Variants in UBE2R2 observed in about 807,000 individuals in gnomAD.
UBE2R2 encodes the protein ubiquitin conjugating enzyme E2 R2, also known as ubiquitin-conjugating enzyme E2 R2.
In UBE2R2, 1 loss-of-function variant was observed where a neutral mutation model predicts 27.8. That is an observed-to-expected ratio of 0.04 (90% CI 0.01 to 0.17). UBE2R2 has a LOEUF of 0.17. UBE2R2 is among the 10% of genes least tolerant of loss of function. The probability of loss-of-function intolerance (pLI) is 1.00; values close to 1 mark genes in which losing one functional copy is unlikely to be tolerated. For missense variants in UBE2R2, 100 were observed against 291.0 expected, an observed-to-expected ratio of 0.34 and a Z score of 4.78; for synonymous variants, 106 against 113.3, an observed-to-expected ratio of 0.94 and a Z score of 0.41.
At chr9:33,895,645 A>T (rs1267773767) in intron 2 of UBE2R2, among the ~76,000 whole-genome samples, 1 of 152,162 alleles carries the variant, frequency 6.6e-6, no homozygotes, top group Non-Finnish European at 1.5e-5. Context: ...GGGGAATAGA[A>T]CCATCTTAAC....
intron 4 of UBE2R2, among the ~76,000 whole-genome samples, chr9:33,914,662 A>C (rs1328155615): frequency 6.6e-6 from 1 of 151,992 alleles, no homozygotes; most frequent in African/African-American, 2.4e-5. Context: ...TCCCATCTCT[A>C]CCAAAAAATA....
chr9:33,875,882 T>C (rs1375803551), intron 1 of UBE2R2, among the ~76,000 whole-genome samples: 1 of 152,220 alleles, frequency 6.6e-6, no homozygotes, highest in East Asian at 1.9e-4. Context: ...GTTCTGTGAA[T>C]ATAACTGAAA....
At chr9:33,904,542 T>A (rs1307267889) in intron 3 of UBE2R2, among the ~76,000 whole-genome samples, 1 of 152,208 alleles carries the variant, frequency 6.6e-6, no homozygotes, top group Non-Finnish European at 1.5e-5. Context: ...ATTTATAACA[T>A]AAAGTGGCAA....
rs1047583797 is a variant in UBE2R2 at position 33,920,067 on chromosome 9, C to T, written c.*2830C>T. ...TGCTGGTTTCCTTACGTTTGGGGCA[C>T]ATGTTGTAAGAAACTGATTGGAAGG... On this transcript the variant is annotated 3_prime_UTR_variant, in exon 5 of 5. Transcript: ENST00000263228. The T allele has an allele frequency of 2.0e-5, 3 of 152,518 alleles. No homozygotes were observed. Among genetic ancestry groups the T allele is most frequent in the Non-Finnish European group, 4.4e-5 (3 of 68,028 alleles). 9.4% of individuals were successfully genotyped at this position (152,518 alleles called of 1,614,324 possible).
Position 33,917,115 on chromosome 9 carries a change from A to G in UBE2R2, c.595A>G (p.Asn199Asp). ...CTGCATCAAAACTAAAGTGCCTTCC[A>G]ATGACAACAGCTCAGATTTGCTTTA... ...EYCIKTKVPS[N>D]DNSSDLLYDD... Residue 199 changes from asparagine to aspartate, a missense_variant, in exon 5 of 5, where the codon AAT (asparagine) becomes GAT (aspartate). Asn to Asp is a conservative substitution (Grantham distance 23). Transcript: ENST00000263228. The G allele has an allele frequency of 6.2e-7, 1 of 1,614,248 alleles. No homozygotes were observed. Among genetic ancestry groups the G allele is most frequent in the Non-Finnish European group, 8.5e-7 (1 of 1,180,044 alleles).
At chr9:33,895,768 C>CTTTTTTTTTTTTT (rs776870484) in intron 2 of UBE2R2, among the ~76,000 whole-genome samples, 2 of 90,270 alleles carry the variant, frequency 2.2e-5, no homozygotes, top group Non-Finnish European at 2.1e-5. Context: ...CTCTCTCTCT[C>CTTTTTTTTTTTTT]TTTTTTTTTT....
intron 1 of UBE2R2, among the ~76,000 whole-genome samples, chr9:33,843,676 A>C (rs560981959): frequency 6.6e-6 from 1 of 151,928 alleles, no homozygotes; most frequent in Non-Finnish European, 1.5e-5. Flanking sequence ...ATGGGGTTTC[A>C]CCATGTTGTC....
rs145611398 is a variant in UBE2R2 at position 33,866,441 on chromosome 9, G to T, written c.178-20440G>T. On this transcript the variant is annotated intron_variant, in intron 1 of 4. Coordinates refer to ENST00000263228, the MANE Select transcript of UBE2R2 (RefSeq NM_017811.4). ...TTTAGTAGAGACGGAGTTTCACCTTGTTGGTCAGGCTGATCTCGAACTCCT... is the reference window on the plus strand; with the variant it reads ...TTTAGTAGAGACGGAGTTTCACCTTTTTGGTCAGGCTGATCTCGAACTCCT... 2.0e-4 allele frequency among the ~76,000 whole-genome samples: 30 copies of T among 152,110 alleles called. No homozygotes were observed. In the East Asian group the frequency reaches 5.8e-3, roughly 30 times the overall value.
chr9:33,864,589 G>T (rs890989288), intron 1 of UBE2R2, among the ~76,000 whole-genome samples: 2 of 151,974 alleles, frequency 1.3e-5, no homozygotes, highest in African/African-American at 4.8e-5. Context: ...TTGCTTTGTC[G>T]CCCAGGGTGG....
intron 4 of UBE2R2, among the ~76,000 whole-genome samples, chr9:33,915,380 C>G (rs1198053977): frequency 6.6e-6 from 1 of 152,036 alleles, no homozygotes; most frequent in Admixed American, 6.6e-5. Flanking sequence ...ACAGAGGCTT[C>G]CAAAAGGCAT....
At chr9:33,827,041 G>A (rs1346723777) in intron 1 of UBE2R2, among the ~76,000 whole-genome samples, 1 of 152,228 alleles carries the variant, frequency 6.6e-6, no homozygotes, top group Non-Finnish European at 1.5e-5. Context: ...AGCGGAGGCT[G>A]CAGTGAGCCG....
At chr9:33,890,970 T>C (rs1193496444) in intron 2 of UBE2R2, among the ~76,000 whole-genome samples, 2 of 152,134 alleles carry the variant, frequency 1.3e-5, no homozygotes, top group African/African-American at 2.4e-5. Flanking sequence ...CCAGTGTTGG[T>C]ATTTGTGGTA....
At chr9:33,860,016 G>A (rs942135207) in intron 1 of UBE2R2, among the ~76,000 whole-genome samples, 3 of 151,794 alleles carry the variant, frequency 2.0e-5, no homozygotes, top group African/African-American at 4.8e-5. Context: ...TGTGTTGCCC[G>A]GATTGGTCTT....
intron 4 of UBE2R2, among the ~76,000 whole-genome samples, chr9:33,916,199 G>A (rs1045190702): frequency 2.6e-5 from 4 of 152,252 alleles, no homozygotes; most frequent in Admixed American, 6.5e-5. Context: ...AATTTAGCCC[G>A]GTGGGGTGGC....
chr9:33,826,930 A>G (rs1051904763), intron 1 of UBE2R2, among the ~76,000 whole-genome samples: 1 of 152,036 alleles, frequency 6.6e-6, no homozygotes, highest in Non-Finnish European at 1.5e-5. Flanking sequence ...TGAAAATCCA[A>G]AAATTAGCCA....
At chr9:33,867,492 A>G (rs1215729879) in intron 1 of UBE2R2, among the ~76,000 whole-genome samples, 2 of 152,152 alleles carry the variant, frequency 1.3e-5, no homozygotes, top group African/African-American at 4.8e-5. Flanking sequence ...TAAGATTGCC[A>G]GTTTTCTAAG....
chr9:33,917,018 G>C lies in UBE2R2; in HGVS notation c.498G>C (p.Arg166Ser). The C allele has an allele frequency of 6.2e-7, 1 of 1,614,070 alleles. No individual in the cohort carries two copies. Among genetic ancestry groups the C allele is most frequent in the Non-Finnish European group, 8.5e-7 (1 of 1,180,016 alleles). ...CATTTCTGTGTCAACCTCCCTTCAG[G>C]AAACAAGTTTCAGCCACTAAGGCCG... ...GKDKEYAEIIRKQVSATKAEA... is the reference protein window; with the variant it reads ...GKDKEYAEIISKQVSATKAEA... Residue 166 changes from arginine to serine, a missense_variant and splice_region_variant, in exon 5 of 5, where the codon AGG (arginine) becomes AGC (serine). Around this residue, in one of 3 missense-constraint regions of UBE2R2, gnomAD observed 55 missense variants for 122.6 expected, o/e 0.45. Transcript: ENST00000263228.
intron 1 of UBE2R2, among the ~76,000 whole-genome samples, chr9:33,861,303 C>T (rs1479466276): frequency 1.3e-5 from 2 of 151,092 alleles, no homozygotes; most frequent in African/African-American, 4.8e-5. Flanking sequence ...GTTGGTGGCT[C>T]ATGCCTCTAA....
At chr9:33,852,235 C>T (rs185317325) in intron 1 of UBE2R2, among the ~76,000 whole-genome samples, 88 of 152,234 alleles carry the variant, frequency 5.8e-4, no homozygotes, top group African/African-American at 2.1e-3. Context: ...CGCTTGAGTC[C>T]GCGAGGTTGA....
Sources: allele counts gnomAD v4.1 joint callset (sites outside exome capture counted in the v4.1 genomes callset), GRCh38; gene constraint gnomAD v4.1.1; regional missense constraint gnomAD v4.1.1; transcripts MANE v1.5; gene names NCBI Gene and HGNC (gene_info 2026-07-23, HGNC 2026-07-21).